The following EXPH5 variants were observed in gnomAD, a reference collection of about 807,000 sequenced individuals.
The protein encoded by EXPH5 is exophilin-5.
Under a neutral mutation model 41.1 loss-of-function variants are expected in EXPH5, and 42 were observed. The observed-to-expected ratio is 1.02, with a 90% confidence interval of 0.80 to 1.32. EXPH5 has a LOEUF of 1.32. Ranked by LOEUF, EXPH5 falls within the 40% of genes most tolerant of loss-of-function variation. EXPH5 has a pLI of 0.00. For missense variants in EXPH5, 2,298 were observed against 2,314.5 expected (o/e 0.99, Z 0.15); for synonymous variants, 798 against 833.5 (o/e 0.96, Z 0.73).
At chr11:108,543,007 C>T (rs1425924563) in intron 1 of EXPH5, among the ~76,000 whole-genome samples, 1 of 152,144 alleles carries the variant, frequency 6.6e-6, no homozygotes, top group African/African-American at 2.4e-5. Flanking sequence ...GCATCAGCCA[C>T]CGCACCCTGC....
Position 108,510,799 on chromosome 11 carries a change from G to A in EXPH5, c.4708C>T (p.Pro1570Ser). The A allele has an allele frequency of 6.2e-7, 1 of 1,613,990 alleles. No individual in the cohort carries two copies. The highest frequency in any genetic ancestry group is 1.3e-5 in the African/African-American group (1 of 74,970). ...TTGGTTTTATTTTTGTTTCCTTCAG[G>A]AAGTGAAGGTTGATCCCAAGCTGAC... ...QKSAWDQPSL[P>S]EGNKNKTNLD... Residue 1570 changes from proline (P) to serine (S), a missense_variant, in exon 6 of 6, where the codon CCT becomes TCT. Coordinates refer to ENST00000265843, the MANE Select transcript of EXPH5 (RefSeq NM_015065.3).
intron 4 of EXPH5, among the ~76,000 whole-genome samples, chr11:108,524,961 G>A (rs548854747): frequency 5.3e-5 from 8 of 152,264 alleles, no homozygotes; most frequent in South Asian, 2.1e-4. Context: ...TAATTCCCAC[G>A]TGTTGTGGGA....
intron 1 of EXPH5, among the ~76,000 whole-genome samples, chr11:108,590,821 T>C (rs956770438): frequency 5.3e-5 from 8 of 152,170 alleles, no homozygotes; most frequent in Admixed American, 3.3e-4. Flanking sequence ...TAAATTTATT[T>C]TTAATTTTTA....
intron 1 of EXPH5, among the ~76,000 whole-genome samples, chr11:108,585,473 C>G (rs145239129): frequency 2.4e-4 from 37 of 152,282 alleles, no homozygotes; most frequent in African/African-American, 8.4e-4. Flanking sequence ...TGTGAGGACA[C>G]AGAAAAGGCA....
At chr11:108,539,390 A>G (rs1445769925) in intron 2 of EXPH5, among the ~76,000 whole-genome samples, 1 of 152,184 alleles carries the variant, frequency 6.6e-6, no homozygotes, top group African/African-American at 2.4e-5. Flanking sequence ...GCATAGAGAA[A>G]ACTCAAATTA....
chr11:108,576,054 C>A (rs77530601), intron 1 of EXPH5, among the ~76,000 whole-genome samples: 6,293 of 152,238 alleles, frequency 0.041, 150 homozygotes, highest in African/African-American at 0.052. Flanking sequence ...ACCATATGTT[C>A]CAGTAATTCC....
chr11:108,545,017 T>C (rs1171220980), intron 1 of EXPH5, among the ~76,000 whole-genome samples: 1 of 152,194 alleles, frequency 6.6e-6, no homozygotes, highest in African/African-American at 2.4e-5. Context: ...TTCCATTATT[T>C]TTTTTTTGGA....
At chr11:108,547,101 A>G (rs528853886) in intron 1 of EXPH5, among the ~76,000 whole-genome samples, 2 of 152,146 alleles carry the variant, frequency 1.3e-5, no homozygotes, top group Non-Finnish European at 2.9e-5. Flanking sequence ...GCGCCTGGCC[A>G]TGCATTTTCT....
At chr11:108,530,874 G>A (rs2093833308) in intron 3 of EXPH5, among the ~76,000 whole-genome samples, 1 of 152,166 alleles carries the variant, frequency 6.6e-6, no homozygotes, top group Non-Finnish European at 1.5e-5. Context: ...GTGGACTTGG[G>A]TAGAAGAGTA....
chr11:108,584,664 G>A (rs960148949), intron 1 of EXPH5, among the ~76,000 whole-genome samples: 3 of 152,110 alleles, frequency 2.0e-5, no homozygotes, highest in African/African-American at 7.2e-5. Flanking sequence ...TTTAATGAAG[G>A]ACAGTCTTTC....
intron 1 of EXPH5, among the ~76,000 whole-genome samples, chr11:108,545,854 G>C (rs1414726151): frequency 6.6e-6 from 1 of 151,740 alleles, no homozygotes; most frequent in Non-Finnish European, 1.5e-5. Context: ...AGTGACCTAG[G>C]ATCATACCAC....
At chr11:108,525,557 T>C (rs1486013029) in intron 4 of EXPH5, among the ~76,000 whole-genome samples, 2 of 152,046 alleles carry the variant, frequency 1.3e-5, no homozygotes, top group African/African-American at 4.8e-5. Flanking sequence ...GTCTTTTGCT[T>C]CTTTTAAGCT....
chr11:108,584,443 A>G (rs1275743949), intron 1 of EXPH5, among the ~76,000 whole-genome samples: 4 of 151,778 alleles, frequency 2.6e-5, no homozygotes, highest in East Asian at 1.9e-4. Flanking sequence ...GTGCCACCGC[A>G]CTCCAGCTTA....
intron 1 of EXPH5, among the ~76,000 whole-genome samples, chr11:108,560,241 C>T (rs1286796556): frequency 6.6e-6 from 1 of 152,204 alleles, no homozygotes; most frequent in Non-Finnish European, 1.5e-5. Context: ...CTTCAGGATT[C>T]CCTCACTGGG....
At chr11:108,526,513 C>A (rs1402439829) in intron 4 of EXPH5, among the ~76,000 whole-genome samples, 1 of 152,218 alleles carries the variant, frequency 6.6e-6, no homozygotes, top group African/African-American at 2.4e-5. Flanking sequence ...GATGGTCAGT[C>A]TGAATACTTC....
chr11:108,518,411 C>G, intron 4 of EXPH5, 38 bp from the exon 5 acceptor site: 1 of 1,599,816 alleles, frequency 6.3e-7, no homozygotes, highest in Non-Finnish European at 8.5e-7. Flanking sequence ...TATTTCTGAG[C>G]CTTCACCAGT....
At chr11:108,537,962 C>T (rs1399968037) in intron 3 of EXPH5, 2 of 985,222 alleles carry the variant, frequency 2.0e-6, no homozygotes, top group Non-Finnish European at 2.4e-6. Context: ...AAACGACTCA[C>T]CTATTTGAAG....
At chr11:108,584,666 C>T (rs1474940594) in intron 1 of EXPH5, among the ~76,000 whole-genome samples, 3 of 152,114 alleles carry the variant, frequency 2.0e-5, no homozygotes, top group African/African-American at 7.2e-5. Context: ...TAATGAAGGA[C>T]AGTCTTTCAA....
intron 4 of EXPH5, among the ~76,000 whole-genome samples, chr11:108,518,726 C>T (rs1265299679): frequency 1.3e-5 from 2 of 152,208 alleles, no homozygotes; most frequent in Non-Finnish European, 2.9e-5. Context: ...TACTGGGCTG[C>T]ATTCCCAGCC....
Sources: gnomAD v4.1 joint callset for allele counts (sites outside exome capture counted in the v4.1 genomes callset) on GRCh38, gnomAD v4.1.1 for gene constraint, MANE v1.5 for transcripts, NCBI Gene and HGNC (gene_info 2026-07-23, HGNC 2026-07-21) for gene names.